The following MAST2 variants were observed in gnomAD, a reference collection of about 807,000 sequenced individuals.
The protein encoded by MAST2 is microtubule associated serine/threonine kinase 2, also known as microtubule-associated serine/threonine-protein kinase 2.
In MAST2, 70 loss-of-function variants were observed where a neutral mutation model predicts 147.4. That is an observed-to-expected ratio of 0.47 (90% CI 0.39 to 0.58). MAST2 has a LOEUF of 0.58. MAST2 is among the 20% of genes least tolerant of loss of function. The pLI is 0.00. For missense variants in MAST2, 2,080 were observed against 2,302.3 expected, an observed-to-expected ratio of 0.90 and a Z score of 1.98; for synonymous variants, 869 against 896.8, an observed-to-expected ratio of 0.97 and a Z score of 0.55.
At chr1:45,938,348 G>A (rs965066480) in intron 4 of MAST2, among the ~76,000 whole-genome samples, 4 of 152,096 alleles carry the variant, frequency 2.6e-5, no homozygotes, top group African/African-American at 9.7e-5. Flanking sequence ...CTTGGAGATG[G>A]AGTCTCACTC....
chr1:45,983,961 TG>T (rs1571065856), intron 5 of MAST2, among the ~76,000 whole-genome samples: 1 of 152,224 alleles, frequency 6.6e-6, no homozygotes, highest in East Asian at 1.9e-4. Flanking sequence ...AATTTGAAGA[TG>T]GACGTTTAGA....
chr1:45,869,666 C>T (rs962554538), intron 3 of MAST2, among the ~76,000 whole-genome samples: 28 of 152,124 alleles, frequency 1.8e-4, no homozygotes, highest in African/African-American at 6.5e-4. Context: ...GTGTGTTATA[C>T]GTTAATTGGC....
chr1:45,953,065 C>A (rs890685735), intron 4 of MAST2, among the ~76,000 whole-genome samples: 1 of 151,960 alleles, frequency 6.6e-6, no homozygotes, highest in East Asian at 1.9e-4. Flanking sequence ...GAGTTAAAAG[C>A]GATCTAGGAT....
chr1:45,899,107 A>C (rs1230840447), intron 4 of MAST2, among the ~76,000 whole-genome samples: 1 of 152,116 alleles, frequency 6.6e-6, no homozygotes, highest in Non-Finnish European at 1.5e-5. Flanking sequence ...TCAGCCCACC[A>C]AGCAGATCTG....
chr1:46,029,488 T>C lies in MAST2; in HGVS notation c.2241T>C (p.Gly747=), dbSNP rs368041514. The change falls in exon 19 of 29, where the codon GGT becomes GGC. Residue 747 remains glycine (G), a synonymous_variant. Transcript: ENST00000361297. ...CAGATGAGATTGTGTGGCCTGAGGGTGATGAGGCACTGCCCCCAGACGCCC... is the reference window on the plus strand; with the variant it reads ...CAGATGAGATTGTGTGGCCTGAGGGCGATGAGGCACTGCCCCCAGACGCCC... ...VISDEIVWPE[G]DEALPPDAQD... 1.9e-4 allele frequency: 313 copies of C among 1,613,912 alleles called. 2 individuals carry two copies. The South Asian group carries it at 3.2e-3, about 17-fold the overall frequency.
intron 5 of MAST2, among the ~76,000 whole-genome samples, chr1:45,983,790 T>C (rs140495777): frequency 6.6e-6 from 1 of 152,312 alleles, no homozygotes; most frequent in East Asian, 1.9e-4. Context: ...ATGTTCCAAA[T>C]ATGCCAACTT....
Position 46,032,598 on chromosome 1 carries a change from C to G in MAST2, c.3417C>G (p.His1139Gln). 6.2e-7 allele frequency: 1 copy of G among 1,613,954 alleles called. No individual in the cohort carries two copies. The highest frequency in any genetic ancestry group is 8.5e-7 in the Non-Finnish European group (1 of 1,179,894). The change falls in exon 26 of 29, where the codon CAC becomes CAG. Residue 1139 changes from histidine (H) to glutamine (Q), a missense_variant and splice_region_variant. Physicochemically the swap from His to Gln is conservative, Grantham distance 24 (BLOSUM62 0). Around this residue, in one of 4 missense-constraint regions of MAST2, gnomAD observed 1,278 missense variants for 1,304.2 expected, o/e 0.98. Coordinates refer to ENST00000361297, the MANE Select transcript of MAST2 (RefSeq NM_015112.3). Reference sequence around the variant, plus strand: ...GTACTGTTCTCTTCCTGGCACAGCACGTGGAGGATGGAGGTCCGGCCAGTG... The same window carrying G: ...GTACTGTTCTCTTCCTGGCACAGCAGGTGGAGGATGGAGGTCCGGCCAGTG... Reference protein sequence around the residue: ...DVYTVHHMVWHVEDGGPASEA... With the variant: ...DVYTVHHMVWQVEDGGPASEA...
chr1:46,032,806 G>A lies in MAST2; in HGVS notation c.3537+88G>A. 2.6e-6 allele frequency: 4 copies of A among 1,524,094 alleles called. No individual in the cohort carries two copies. In the South Asian group the frequency reaches 3.7e-5, roughly 14 times the overall value. The allele number at this position is 1,524,094 out of a possible 1,614,324, so 94.4% of individuals were successfully genotyped here. A position where few individuals can be genotyped will look rare whatever the true frequency, so the allele number is the denominator to read the frequency against. ...GCAGTTAGGGGAGTGGGTGAGTTGGGTGCACACACATCTACACCGAGTATG... is the reference window on the plus strand; with the variant it reads ...GCAGTTAGGGGAGTGGGTGAGTTGGATGCACACACATCTACACCGAGTATG... On this transcript the variant is annotated intron_variant, in intron 26 of 28. Coordinates refer to ENST00000361297, the MANE Select transcript of MAST2 (RefSeq NM_015112.3).
At chr1:46,032,152 C>G in intron 24 of MAST2, 26 bp from the exon 25 acceptor site, 1 of 1,593,868 alleles carries the variant, frequency 6.3e-7, no homozygotes, top group Non-Finnish European at 8.6e-7. Context: ...CTCTGACCCA[C>G]TAAGTCCTGG....
At chr1:45,920,921 TAAGG>T (rs1237283338) in intron 4 of MAST2, among the ~76,000 whole-genome samples, 1 of 152,194 alleles carries the variant, frequency 6.6e-6, no homozygotes, top group Non-Finnish European at 1.5e-5. Flanking sequence ...ACAGAGAAGT[TAAGG>T]AAGTTATTAA....
intron 5 of MAST2, among the ~76,000 whole-genome samples, chr1:45,963,245 G>A (rs1447054338): frequency 1.3e-5 from 2 of 152,130 alleles, no homozygotes; most frequent in Admixed American, 6.6e-5. Flanking sequence ...TTGGCAATGC[G>A]GGCTCTTTTT....
chr1:45,852,054 G>A (rs1051630344), intron 3 of MAST2, among the ~76,000 whole-genome samples: 1 of 152,030 alleles, frequency 6.6e-6, no homozygotes, highest in Non-Finnish European at 1.5e-5. Context: ...TTCACCAATA[G>A]TGTCATCTTA....
intron 10 of MAST2, chr1:46,011,184 T>C: frequency 3.9e-6 from 2 of 516,978 alleles, no homozygotes; most frequent in South Asian, 2.2e-5. Context: ...ATTACTTTGT[T>C]GTATTACGCG....
At chr1:45,849,959 A>G (rs1430927078) in intron 3 of MAST2, among the ~76,000 whole-genome samples, 2 of 152,104 alleles carry the variant, frequency 1.3e-5, no homozygotes, top group African/African-American at 2.4e-5. Flanking sequence ...TCTTTTGTAT[A>G]TTTACCCAGT....
At chr1:45,830,944 G>A (rs1007880757) in intron 3 of MAST2, among the ~76,000 whole-genome samples, 15 of 151,400 alleles carry the variant, frequency 9.9e-5, no homozygotes, top group Non-Finnish European at 2.1e-4. Flanking sequence ...GCTGAGGTGG[G>A]ATAATCGCTT....
intron 4 of MAST2, among the ~76,000 whole-genome samples, chr1:45,916,898 A>G (rs1464402440): frequency 6.6e-6 from 1 of 152,114 alleles, no homozygotes; most frequent in Non-Finnish European, 1.5e-5. Context: ...GACCAACATG[A>G]TGAAACCCTG....
intron 26 of MAST2, 70 bp downstream of exon 26, chr1:46,032,788 G>A (rs1646728174): frequency 6.4e-6 from 10 of 1,568,176 alleles, no homozygotes; most frequent in Non-Finnish European, 7.8e-6. Context: ...ATGGCAGTTA[G>A]GGGAGTGGGT....
chr1:46,025,914 A>C (rs953690278), intron 16 of MAST2, 99 bp downstream of exon 16: 5 of 1,469,102 alleles, frequency 3.4e-6, no homozygotes, highest in Non-Finnish European at 4.7e-6. Context: ...CCAGATGGCT[A>C]CCGGGAAAAC....
chr1:45,841,604 C>A (rs1645279515), intron 3 of MAST2, among the ~76,000 whole-genome samples: 2 of 152,218 alleles, frequency 1.3e-5, no homozygotes, highest in East Asian at 3.9e-4. Context: ...GCGGGCTAGT[C>A]TCTGCTGGGC....
Sources: gnomAD v4.1 joint callset for allele counts (sites outside exome capture counted in the v4.1 genomes callset) on GRCh38, gnomAD v4.1.1 for gene constraint, gnomAD v4.1.1 regional missense constraint, MANE v1.5 for transcripts, NCBI Gene and HGNC (gene_info 2026-07-23, HGNC 2026-07-21) for gene names.